The following ZCCHC14 variants were observed in gnomAD, a reference collection of about 807,000 sequenced individuals.
ZCCHC14 encodes the protein zinc finger CCHC-type containing 14.
ZCCHC14 carries 16 observed loss-of-function variants against 85.0 expected under a neutral mutation model. The ratio of observed to expected loss-of-function variants is 0.19; its 90% CI spans 0.13 to 0.29. ZCCHC14 has a LOEUF of 0.29. Among genes scored for constraint, ZCCHC14 ranks in the 10% least tolerant of loss-of-function variants. The pLI is 1.00. For synonymous variants in ZCCHC14, 775 were observed against 630.7 expected (o/e 1.23, Z -3.43); for missense variants, 1,303 against 1,443.5 (o/e 0.90, Z 1.58).
intron 2 of ZCCHC14, among the ~76,000 whole-genome samples, chr16:87,444,722 T>G (rs1358724971): frequency 6.6e-6 from 1 of 152,142 alleles, no homozygotes; most frequent in Non-Finnish European, 1.5e-5. Context: ...CATAATCTTC[T>G]AAAGTATCCG....
At chr16:87,463,355 C>T (rs536575330) in intron 1 of ZCCHC14, among the ~76,000 whole-genome samples, 1 of 152,168 alleles carries the variant, frequency 6.6e-6, no homozygotes, top group South Asian at 2.1e-4. Flanking sequence ...GCACTCCAGC[C>T]TGGGCGATAG....
At chr16:87,438,046 G>C (rs1910013528) in intron 2 of ZCCHC14, among the ~76,000 whole-genome samples, 1 of 152,264 alleles carries the variant, frequency 6.6e-6, no homozygotes, top group East Asian at 1.9e-4. Context: ...GAATAACATG[G>C]TTGTGACAGC....
In ZCCHC14 at chr16:87,409,835, C is replaced by G. The variant is rs150307729; in HGVS notation, c.*445G>C. 1.9e-5 allele frequency: 3 copies of G among 155,572 alleles called. No homozygotes were observed. The highest frequency in any genetic ancestry group is 2.0e-4 in the South Asian group (1 of 5,092). 9.6% of individuals were successfully genotyped at this position (155,572 alleles called of 1,614,324 possible). A position where few individuals can be genotyped will look rare whatever the true frequency, so the allele number is the denominator to read the frequency against. ...AGTGCTAATCACTTTAGGAACAGAA[C>G]AAAACAAAGTCGACATTTTCCCTAG... is the stretch of plus-strand genomic sequence containing the variant. On this transcript the variant is annotated 3_prime_UTR_variant, in exon 13 of 13. Transcript: ENST00000671377.
chr16:87,463,231 A>G (rs957287403), intron 1 of ZCCHC14, among the ~76,000 whole-genome samples: 1 of 152,036 alleles, frequency 6.6e-6, no homozygotes, highest in African/African-American at 2.4e-5. Context: ...AAAACACAAA[A>G]ATTAGCTGGG....
chr16:87,454,060 A>T (rs1910835814), intron 2 of ZCCHC14, among the ~76,000 whole-genome samples: 1 of 152,220 alleles, frequency 6.6e-6, no homozygotes, highest in Admixed American at 6.5e-5. Flanking sequence ...ACTGAAAATG[A>T]CAGAAGGGTA....
In ZCCHC14 at chr16:87,433,196, C is replaced by T; in HGVS notation, c.700G>A (p.Val234Ile). 1.9e-6 allele frequency: 3 copies of T among 1,613,964 alleles called. No individual in the cohort carries two copies. Among genetic ancestry groups the T allele is most frequent in the Middle Eastern group, 1.6e-4 (1 of 6,062 alleles). The change falls in exon 3 of 13, where the codon GTT becomes ATT. Residue 234 changes from valine to isoleucine, a missense_variant. By Grantham distance (29) the Val-to-Ile change is conservative. This residue lies in a region of ZCCHC14 where 389 missense variants were observed against 397.8 expected (regional missense o/e 0.98). Transcript: ENST00000671377. ...AATCCCTTCAGGTCTATCTTTTCAA[C>T]ACTCACTGTAAAAGTAAAACAAAAA... ...RPLGKHSKVS[V>I]EKIDLKGLSH...
chr16:87,406,740 A>G lies in ZCCHC14; in HGVS notation c.*3540T>C, dbSNP rs1597393617. ...CCAGCACAGTATATGGTTTTCTAGAATATTGCGAGTGTTGAGTGTTGATTA... is the reference window on the plus strand; with the variant it reads ...CCAGCACAGTATATGGTTTTCTAGAGTATTGCGAGTGTTGAGTGTTGATTA... On this transcript the variant is annotated 3_prime_UTR_variant, in exon 13 of 13. Transcript: ENST00000671377. 1 of 152,322 alleles carries G rather than the reference A, an allele frequency of 6.6e-6. No homozygotes were observed. The highest frequency in any genetic ancestry group is 2.1e-4 in the South Asian group (1 of 4,828). The allele number at this position is 152,322 out of a possible 1,614,324, so 9.4% of individuals were successfully genotyped here. A position where few individuals can be genotyped will look rare whatever the true frequency, so the allele number is the denominator to read the frequency against.
At chr16:87,442,593 A>G (rs1910238762) in intron 2 of ZCCHC14, among the ~76,000 whole-genome samples, 1 of 152,228 alleles carries the variant, frequency 6.6e-6, no homozygotes, top group Non-Finnish European at 1.5e-5. Context: ...TTAAAACTTT[A>G]GCGGTGGGAC....
intron 1 of ZCCHC14, among the ~76,000 whole-genome samples, chr16:87,485,338 G>T (rs1465955899): frequency 6.6e-6 from 1 of 152,178 alleles, no homozygotes; most frequent in Non-Finnish European, 1.5e-5. Context: ...AACCTATTTT[G>T]TTAGTTCTGG....
intron 3 of ZCCHC14, among the ~76,000 whole-genome samples, chr16:87,425,573 T>TC (rs375418320): frequency 1.2e-4 from 17 of 144,920 alleles, no homozygotes; most frequent in East Asian, 6.0e-4. Flanking sequence ...CGAAACTCTA[T>TC]CAAAAAAAAA....
At chr16:87,411,389 G>A (rs762440086) in intron 12 of ZCCHC14, 127 bp downstream of exon 12, 23 of 1,515,092 alleles carry the variant, frequency 1.5e-5, no homozygotes, top group Middle Eastern at 1.8e-4. Flanking sequence ...ATTTCCACGC[G>A]CTTTCAAAGA....
chr16:87,450,212 T>C (rs1264196891), intron 2 of ZCCHC14, among the ~76,000 whole-genome samples: 2 of 152,246 alleles, frequency 1.3e-5, no homozygotes, highest in Admixed American at 6.5e-5. Context: ...CCAGTTTTCA[T>C]TTAAAAATTG....
rs1357181622 is a variant in ZCCHC14, at chr16:87,408,403, A to T, written c.*1877T>A. 5 of 152,620 alleles carry T rather than the reference A, an allele frequency of 3.3e-5. No individual in the cohort carries two copies. Among genetic ancestry groups the T allele is most frequent in the African/African-American group, 1.2e-4 (5 of 41,466 alleles). 9.5% of individuals were successfully genotyped at this position (152,620 alleles called of 1,614,324 possible). ...ATATTAAAATCGTAAACATCAATGA[A>T]CACTCTAAGTCTTCCTTAAACGTAA... On this transcript the variant is annotated 3_prime_UTR_variant, in exon 13 of 13. Coordinates refer to ENST00000671377, the MANE Select transcript of ZCCHC14 (RefSeq NM_015144.3).
At chr16:87,462,821 G>A (rs887313800) in intron 1 of ZCCHC14, among the ~76,000 whole-genome samples, 5 of 151,980 alleles carry the variant, frequency 3.3e-5, no homozygotes, top group Admixed American at 2.6e-4. Flanking sequence ...AGTAATCCCA[G>A]CACTTTGGGA....
intron 1 of ZCCHC14, chr16:87,467,575 C>G (rs1375500994): frequency 2.6e-6 from 4 of 1,519,336 alleles, no homozygotes; most frequent in East Asian, 4.5e-5. Context: ...CCCGTTGGTT[C>G]TGAAAATTGG....
intron 1 of ZCCHC14, chr16:87,471,562 C>T (rs1413834363): frequency 6.6e-6 from 1 of 152,320 alleles, no homozygotes; most frequent in Non-Finnish European, 1.5e-5. Flanking sequence ...AGCACGGCCT[C>T]CTCTAGGAAC....
At chr16:87,436,220 G>A (rs1909913257) in intron 2 of ZCCHC14, among the ~76,000 whole-genome samples, 1 of 152,254 alleles carries the variant, frequency 6.6e-6, no homozygotes, top group African/African-American at 2.4e-5. Context: ...AAAAGCAGAT[G>A]AATGTTATTC....
chr16:87,436,216 A>G (rs1419466875), intron 2 of ZCCHC14, among the ~76,000 whole-genome samples: 1 of 152,288 alleles, frequency 6.6e-6, no homozygotes, highest in Non-Finnish European at 1.5e-5. Context: ...GGGAAAAAGC[A>G]GATGAATGTT....
chr16:87,470,324 C>T (rs2150767905), intron 1 of ZCCHC14: 1 of 150,310 alleles, frequency 6.7e-6, no homozygotes, highest in Admixed American at 6.6e-5. Context: ...CACGACACCC[C>T]AACTCAAATA....
Sources: allele counts gnomAD v4.1 joint callset (sites outside exome capture counted in the v4.1 genomes callset), GRCh38; gene constraint gnomAD v4.1.1; regional missense constraint gnomAD v4.1.1; transcripts MANE v1.5; gene names NCBI Gene and HGNC (gene_info 2026-07-23, HGNC 2026-07-21).